NPAS3: variants seen among roughly 807,000 people sequenced by gnomAD.
NPAS3 encodes neuronal PAS domain protein 3.
A neutral mutation model predicts 73.1 loss-of-function variants in NPAS3; 14 were observed. The observed-to-expected ratio is 0.19, with a 90% confidence interval of 0.13 to 0.30. The LOEUF is 0.30. Ranked by LOEUF, NPAS3 falls within the 10% of genes least tolerant of loss-of-function variation. The pLI, the probability that NPAS3 is intolerant of heterozygous loss-of-function variation, is 1.00. For missense variants in NPAS3, 1,096 were observed against 1,250.0 expected (o/e 0.88, Z 1.86); for synonymous variants, 620 against 541.5 (o/e 1.14, Z -2.01).
chr14:33,012,233 CT>C (rs560940535), intron 1 of NPAS3, among the ~76,000 whole-genome samples: 23 of 152,274 alleles, frequency 1.5e-4, no homozygotes, highest in African/African-American at 4.6e-4. Context: ...CAGGTTTTAA[CT>C]TTTTTTCTCT....
At chr14:33,499,607 T>G (rs1258798156) in intron 4 of NPAS3, among the ~76,000 whole-genome samples, 1 of 151,982 alleles carries the variant, frequency 6.6e-6, no homozygotes, top group Non-Finnish European at 1.5e-5. Context: ...AACTACCACA[T>G]GAAGCTACAT....
chr14:33,215,415 C>T (rs1404462073), exon 3 of NPAS3: 2 of 1,613,812 alleles, frequency 1.2e-6, no homozygotes, highest in African/African-American at 2.7e-5. Context: ...CCACCTAACA[C>T]ATCAGTAAAA....
At chr14:33,569,302 T>G (rs2139809813) in intron 5 of NPAS3, among the ~76,000 whole-genome samples, 1 of 152,306 alleles carries the variant, frequency 6.6e-6, no homozygotes. Flanking sequence ...AGAGAATGTA[T>G]GCAGAAAGAA....
chr14:33,063,796 G>A (rs1046550848), intron 2 of NPAS3, among the ~76,000 whole-genome samples: 1 of 152,118 alleles, frequency 6.6e-6, no homozygotes, highest in Admixed American at 6.6e-5. Flanking sequence ...CACTAATCAT[G>A]GTGCTTGGCA....
At chr14:33,761,708 G>A (rs2140831773) in intron 7 of NPAS3, among the ~76,000 whole-genome samples, 1 of 152,270 alleles carries the variant, frequency 6.6e-6, no homozygotes, top group East Asian at 1.9e-4. Flanking sequence ...CCATAAAATA[G>A]CAAAGAAGAT....
At position 33,690,478 on chromosome 14, in the gene NPAS3, C is replaced by T. The variant is rs1217331483; in HGVS notation, c.733+14093C>T. Among the ~76,000 whole-genome samples, 5 of 152,214 alleles carry T rather than the reference C, an allele frequency of 3.3e-5. No individual in the cohort carries two copies. In the East Asian group the frequency reaches 9.6e-4, roughly 29 times the overall value. ...CCTGGACAAAATTCAAGCCAATGAC[C>T]TACAGGTGAAAGGCTCTATATATCC... is the stretch of plus-strand genomic sequence containing the variant. On this transcript the variant is annotated intron_variant, in intron 6 of 11. Transcript: ENST00000356141.
intron 3 of NPAS3, among the ~76,000 whole-genome samples, chr14:33,341,261 C>G (rs1178126194): frequency 1.3e-5 from 2 of 152,122 alleles, no homozygotes; most frequent in Non-Finnish European, 2.9e-5. Flanking sequence ...TTAGTGGTAC[C>G]TGCTGAGTTT....
At position 33,267,196 on chromosome 14, in the gene NPAS3, A is replaced by C. The variant is rs78303507; in HGVS notation, c.385+51770A>C. 7.1e-3 allele frequency among the ~76,000 whole-genome samples: 1,076 copies of C among 152,314 alleles called. 9 individuals carry two copies. The highest frequency in any genetic ancestry group is 0.025 in the African/African-American group (1,027 of 41,582). ...TTTTAAGACTTTGGGGAAGCTGGGC[A>C]TATCAAGGTCAGGCTATTCTTGGGG... On this transcript the variant is annotated intron_variant, in intron 3 of 11. Transcript: ENST00000356141.
At chr14:33,125,474 A>T (rs1178621762) in intron 2 of NPAS3, among the ~76,000 whole-genome samples, 1 of 152,110 alleles carries the variant, frequency 6.6e-6, no homozygotes, top group African/African-American at 2.4e-5. Flanking sequence ...GGTGTTAAGG[A>T]TATAGAGGCA....
At chr14:32,960,327 T>A (rs1225019817) in intron 1 of NPAS3, among the ~76,000 whole-genome samples, 3 of 152,188 alleles carry the variant, frequency 2.0e-5, no homozygotes, top group Admixed American at 6.5e-5. Flanking sequence ...ATGTCTTATG[T>A]TTGTATCCTT....
chr14:33,397,263 A>C (rs1397146931), intron 4 of NPAS3, among the ~76,000 whole-genome samples: 1 of 152,176 alleles, frequency 6.6e-6, no homozygotes, highest in South Asian at 2.1e-4. Context: ...TTGAGTTTCC[A>C]CTAATAACTT....
At chr14:33,338,449 C>T (rs1321401373) in intron 3 of NPAS3, among the ~76,000 whole-genome samples, 6 of 152,122 alleles carry the variant, frequency 3.9e-5, no homozygotes, top group Non-Finnish European at 8.8e-5. Flanking sequence ...GGTATACTAT[C>T]ATAACTTGCA....
At position 33,323,287 on chromosome 14, in the gene NPAS3, T is replaced by G. The variant is rs1018222655; in HGVS notation, c.386-43899T>G. Among the ~76,000 whole-genome samples the G allele has an allele frequency of 2.0e-4, 30 of 152,220 alleles. 1 individual carries two copies. Among genetic ancestry groups the G allele is most frequent in the African/African-American group, 7.2e-4 (30 of 41,462 alleles). On this transcript the variant is annotated intron_variant, in intron 3 of 11. Coordinates refer to ENST00000356141, the Ensembl canonical transcript of NPAS3. ...CTTGACTTTACAGAGTGTTCAGTAA[T>G]GTTGTGGACAAAGAAACAATTTTAT...
chr14:33,525,044 C>T (rs1257118197), intron 4 of NPAS3, among the ~76,000 whole-genome samples: 1 of 152,072 alleles, frequency 6.6e-6, no homozygotes, highest in Non-Finnish European at 1.5e-5. Flanking sequence ...ACAATTCAAC[C>T]CATAATAGTA....
chr14:33,293,649 T>C (rs538297307), intron 3 of NPAS3, among the ~76,000 whole-genome samples: 3 of 152,202 alleles, frequency 2.0e-5, no homozygotes, highest in South Asian at 4.1e-4. Context: ...ACGGTAGACA[T>C]GTTAACTTGA....
At chr14:33,452,281 G>A (rs1354255827) in intron 4 of NPAS3, among the ~76,000 whole-genome samples, 1 of 152,196 alleles carries the variant, frequency 6.6e-6, no homozygotes, top group Non-Finnish European at 1.5e-5. Flanking sequence ...TTCTGTGAAG[G>A]AGGAGTTGAA....
chr14:33,167,249 C>T (rs534968109), intron 2 of NPAS3, among the ~76,000 whole-genome samples: 9 of 152,156 alleles, frequency 5.9e-5, no homozygotes, highest in Non-Finnish European at 8.8e-5. Flanking sequence ...TGATCAGCTT[C>T]AGGAGTTCTA....
At chr14:33,658,716 T>C (rs939984142) in intron 5 of NPAS3, among the ~76,000 whole-genome samples, 7 of 152,152 alleles carry the variant, frequency 4.6e-5, no homozygotes, top group African/African-American at 1.4e-4. Flanking sequence ...GAAACCACAC[T>C]GTTCATTAGA....
intron 5 of NPAS3, among the ~76,000 whole-genome samples, chr14:33,580,751 C>T (rs1334567873): frequency 9.9e-5 from 15 of 152,128 alleles, no homozygotes; most frequent in Admixed American, 2.0e-4. Context: ...AGAACTACCA[C>T]GCTTTGTCTC....
Sources: allele counts gnomAD v4.1 joint callset (sites outside exome capture counted in the v4.1 genomes callset), GRCh38; gene constraint gnomAD v4.1.1; transcripts MANE v1.5; gene names NCBI Gene and HGNC (gene_info 2026-07-23, HGNC 2026-07-21).